The following CLASP1 variants were observed in gnomAD, a reference collection of about 807,000 sequenced individuals.
The protein encoded by CLASP1 is CLIP-associating protein 1.
A neutral mutation model predicts 192.3 loss-of-function variants in CLASP1; 38 were observed. That is an observed-to-expected ratio of 0.20 (90% CI 0.15 to 0.26). The LOEUF (loss-of-function observed/expected upper bound fraction) is 0.26. Ranked by LOEUF, CLASP1 falls within the 10% of genes least tolerant of loss-of-function variation. The pLI is 1.00. For missense variants in CLASP1, 1,433 were observed against 1,932.5 expected (o/e 0.74, Z 4.85); for synonymous variants, 691 against 712.8 (o/e 0.97, Z 0.49).
chr2:121,348,812 T>A, intron 37 of CLASP1, 94 bp from the exon 39 acceptor site: 1 of 1,118,242 alleles, frequency 8.9e-7, no homozygotes, highest in East Asian at 2.6e-5. Context: ...CAAAGGACAA[T>A]GACCTCAATG....
At chr2:121,440,763 T>C (rs1050465757) in intron 19 of CLASP1, among the ~76,000 whole-genome samples, 2 of 146,656 alleles carry the variant, frequency 1.4e-5, no homozygotes, top group African/African-American at 5.1e-5. Context: ...ATCTATTAAG[T>C]GACAGAGACA....
At chr2:121,598,781 T>C (rs1419941051) in intron 2 of CLASP1, among the ~76,000 whole-genome samples, 2 of 152,242 alleles carry the variant, frequency 1.3e-5, no homozygotes, top group Non-Finnish European at 2.9e-5. Context: ...TAAATTGCCC[T>C]TGATACCACA....
intron 2 of CLASP1, among the ~76,000 whole-genome samples, chr2:121,602,232 A>G (rs1420625540): frequency 1.3e-5 from 2 of 152,070 alleles, no homozygotes; most frequent in Admixed American, 1.3e-4. Flanking sequence ...GCTACCAAAA[A>G]TAAAATACCT....
chr2:121,444,392 A>T (rs2083940713), intron 19 of CLASP1, among the ~76,000 whole-genome samples: 1 of 152,234 alleles, frequency 6.6e-6, no homozygotes, highest in Non-Finnish European at 1.5e-5. Flanking sequence ...AATAAAAAAT[A>T]GCATCATATA....
At chr2:121,600,425 G>A (rs1416738171) in intron 2 of CLASP1, among the ~76,000 whole-genome samples, 1 of 152,218 alleles carries the variant, frequency 6.6e-6, no homozygotes, top group Non-Finnish European at 1.5e-5. Flanking sequence ...AAGCAAGTTA[G>A]TGGTAAACCC....
intron 11 of CLASP1, among the ~76,000 whole-genome samples, chr2:121,460,467 C>T (rs1006112248): frequency 2.0e-5 from 3 of 152,098 alleles, no homozygotes; most frequent in African/African-American, 7.2e-5. Flanking sequence ...CCCTCCTAAG[C>T]TTACCTCCCC....
intron 7 of CLASP1, among the ~76,000 whole-genome samples, chr2:121,513,364 C>T (rs182020233): frequency 1.1e-3 from 163 of 152,230 alleles, no homozygotes; most frequent in African/African-American, 3.8e-3. Context: ...TTTTAGGTAA[C>T]GTGAGCTAGC....
At chr2:121,531,181 C>CGAA (rs1414847458) in intron 2 of CLASP1, among the ~76,000 whole-genome samples, 1 of 152,088 alleles carries the variant, frequency 6.6e-6, no homozygotes, top group Non-Finnish European at 1.5e-5. Flanking sequence ...CAGAACTTCA[C>CGAA]CCCTTTAACT....
chr2:121,359,673 T>C (rs1053252940), intron 37 of CLASP1, among the ~76,000 whole-genome samples: 7 of 152,170 alleles, frequency 4.6e-5, no homozygotes, highest in Non-Finnish European at 7.4e-5. Context: ...TGAAACTCAA[T>C]AGCAAAATTT....
intron 2 of CLASP1, among the ~76,000 whole-genome samples, chr2:121,563,880 T>G (rs991165256): frequency 1.3e-5 from 2 of 152,214 alleles, no homozygotes; most frequent in Admixed American, 1.3e-4. Flanking sequence ...AGAGGTTTAT[T>G]GGACTTACAG....
intron 5 of CLASP1, among the ~76,000 whole-genome samples, chr2:121,526,393 T>A (rs757443557): frequency 6.6e-6 from 1 of 152,228 alleles, no homozygotes; most frequent in Non-Finnish European, 1.5e-5. Flanking sequence ...CTGGGGCACA[T>A]CTGAGCCAAG....
At chr2:121,632,611 A>G (rs939512020) in intron 1 of CLASP1, among the ~76,000 whole-genome samples, 3 of 152,166 alleles carry the variant, frequency 2.0e-5, no homozygotes, top group Admixed American at 2.0e-4. Context: ...AAAAAAGTAA[A>G]ATGCGCTGGA....
chr2:121,453,825 A>T (rs2086060100), intron 14 of CLASP1, among the ~76,000 whole-genome samples: 1 of 152,194 alleles, frequency 6.6e-6, no homozygotes, highest in African/African-American at 2.4e-5. Context: ...CAATTCTACG[A>T]AGCGAAGCTA....
At chr2:121,405,432 T>A (rs1288913667) in intron 25 of CLASP1, among the ~76,000 whole-genome samples, 1 of 152,236 alleles carries the variant, frequency 6.6e-6, no homozygotes, top group Non-Finnish European at 1.5e-5. Flanking sequence ...TAAAACATTG[T>A]ACCTTCTACC....
At chr2:121,397,374 G>A in intron 29 of CLASP1, 91 bp from the exon 31 acceptor site, 3 of 1,077,800 alleles carry the variant, frequency 2.8e-6, no homozygotes, top group Non-Finnish European at 4.1e-6. Context: ...GTAAACCCTG[G>A]TGAGGGGGAT....
intron 37 of CLASP1, among the ~76,000 whole-genome samples, chr2:121,360,202 G>A (rs905668249): frequency 1.3e-5 from 2 of 152,156 alleles, no homozygotes; most frequent in Non-Finnish European, 2.9e-5. Flanking sequence ...CGAGTCTTAC[G>A]CTCTTCATCT....
chr2:121,458,485 A>C (rs2087162819), intron 13 of CLASP1, among the ~76,000 whole-genome samples: 1 of 152,206 alleles, frequency 6.6e-6, no homozygotes, highest in South Asian at 2.1e-4. Context: ...CAATACCTAA[A>C]ACGGAAGGAC....
chr2:121,558,672 G>C (rs948793697), intron 2 of CLASP1, among the ~76,000 whole-genome samples: 1 of 152,086 alleles, frequency 6.6e-6, no homozygotes, highest in African/African-American at 2.4e-5. Context: ...TTTGACTCTG[G>C]ACTTCTTGGC....
At chr2:121,574,658 A>C (rs1188176647) in intron 2 of CLASP1, among the ~76,000 whole-genome samples, 1 of 135,768 alleles carries the variant, frequency 7.4e-6, no homozygotes, top group African/African-American at 2.8e-5. Context: ...AAAAACAAAA[A>C]CCGGGTGCGG....
Sources: gnomAD v4.1 joint callset for allele counts (sites outside exome capture counted in the v4.1 genomes callset) on GRCh38, gnomAD v4.1.1 for gene constraint, MANE v1.5 for transcripts, NCBI Gene and HGNC (gene_info 2026-07-23, HGNC 2026-07-21) for gene names.